FARSB: variants seen among roughly 807,000 people sequenced by gnomAD.
The protein encoded by FARSB is phenylalanine--tRNA ligase beta subunit.
Under a neutral mutation model 69.6 loss-of-function variants are expected in FARSB, and 40 were observed. The observed-to-expected ratio is 0.57, with a 90% CI of 0.45 to 0.75. The LOEUF (loss-of-function observed/expected upper bound fraction) is 0.75. Ranked by LOEUF, FARSB falls within the 30% of genes least tolerant of loss-of-function variation. The pLI, the probability that FARSB is intolerant of heterozygous loss-of-function variation, is 0.00. For synonymous variants in FARSB, 235 were observed against 247.2 expected, an observed-to-expected ratio of 0.95 and a Z score of 0.46; for missense variants, 632 against 722.9, an observed-to-expected ratio of 0.87 and a Z score of 1.44.
intron 16 of FARSB, among the ~76,000 whole-genome samples, chr2:222,586,867 G>C (rs899072946): frequency 6.6e-6 from 1 of 152,132 alleles, no homozygotes; most frequent in African/African-American, 2.4e-5. Context: ...CAAGTCCTTA[G>C]AGACCTACAA....
intron 2 of FARSB, 25 bp from the exon 3 acceptor site, chr2:222,643,030 T>C (rs769367406): frequency 1.4e-6 from 2 of 1,435,098 alleles, no homozygotes; most frequent in Non-Finnish European, 1.9e-6. Context: ...AAAGTAATGA[T>C]AAAAATTAAA....
chr2:222,655,982 G>C, intron 1 of FARSB, 34 bp downstream of exon 1: 1 of 1,540,342 alleles, frequency 6.5e-7, no homozygotes, highest in Non-Finnish European at 8.9e-7. Context: ...TCCGAGAAGA[G>C]GCGTAGGGCC....
chr2:222,626,243 C>CAAAAAAAA (rs36117232), intron 10 of FARSB, among the ~76,000 whole-genome samples: 6 of 56,970 alleles, frequency 1.1e-4, no homozygotes, highest in East Asian at 5.7e-4. Flanking sequence ...GACTCCATCT[C>CAAAAAAAA]AAAAAAAAAA....
chr2:222,648,626 A>G (rs1691937098), intron 2 of FARSB, 114 bp downstream of exon 2: 1 of 760,844 alleles, frequency 1.3e-6, no homozygotes, highest in Admixed American at 2.0e-5. Context: ...CATGGCCCAC[A>G]AACATTATCA....
rs183335063 is a variant in FARSB, at chr2:222,589,656, C to G, written c.1618+10272G>C. Among the ~76,000 whole-genome samples the G allele has an allele frequency of 7.9e-3, 1,209 of 152,112 alleles. 15 individuals carry two copies. The highest frequency in any genetic ancestry group is 0.028 in the African/African-American group (1,163 of 41,414). On this transcript the variant is annotated intron_variant, in intron 16 of 16. Coordinates refer to ENST00000281828, the MANE Select transcript of FARSB (RefSeq NM_005687.5). Reference sequence around the variant, plus strand: ...ATCCAGAATCTACAAAGAACTTAAACAAATTTACAAGAAAAAATCAAACAA... The same window carrying G: ...ATCCAGAATCTACAAAGAACTTAAAGAAATTTACAAGAAAAAATCAAACAA...
intron 5 of FARSB, among the ~76,000 whole-genome samples, chr2:222,635,149 T>C (rs1224603258): frequency 6.6e-6 from 1 of 152,140 alleles, no homozygotes; most frequent in Non-Finnish European, 1.5e-5. Flanking sequence ...TTTTAGGAAA[T>C]TACAGCAAGC....
intron 16 of FARSB, among the ~76,000 whole-genome samples, chr2:222,596,049 C>T (rs1228011379): frequency 1.3e-5 from 2 of 152,096 alleles, no homozygotes; most frequent in East Asian, 1.9e-4. Context: ...TTTTTTCCCA[C>T]TCAACATTGA....
chr2:222,627,730 T>C (rs1278909691), intron 10 of FARSB, among the ~76,000 whole-genome samples: 1 of 152,234 alleles, frequency 6.6e-6, no homozygotes, highest in East Asian at 1.9e-4. Context: ...ATTAACACTC[T>C]AGAATAAAAT....
chr2:222,637,722 A>G (rs1380415006), intron 5 of FARSB, among the ~76,000 whole-genome samples: 1 of 152,236 alleles, frequency 6.6e-6, no homozygotes, highest in African/African-American at 2.4e-5. Flanking sequence ...TGAGTGGTTC[A>G]TAACTGTAAC....
chr2:222,605,464 G>A (rs1420852686), intron 15 of FARSB, among the ~76,000 whole-genome samples: 5 of 152,108 alleles, frequency 3.3e-5, no homozygotes, highest in Admixed American at 3.3e-4. Context: ...CTTTATTTTG[G>A]TAATCTTTGC....
chr2:222,619,114 C>T (rs952833230), intron 14 of FARSB, among the ~76,000 whole-genome samples: 2 of 151,540 alleles, frequency 1.3e-5, no homozygotes, highest in Admixed American at 1.3e-4. Context: ...TGCACTCCAG[C>T]CTGGGCGACA....
At chr2:222,624,182 A>T in intron 12 of FARSB, 90 bp downstream of exon 12, 1 of 858,828 alleles carries the variant, frequency 1.2e-6, no homozygotes, top group Non-Finnish European at 2.0e-6. Flanking sequence ...ATACTGCTTG[A>T]TTCCTACGTT....
At chr2:222,625,187 C>A (rs371567886) in intron 10 of FARSB, among the ~76,000 whole-genome samples, 1 of 152,176 alleles carries the variant, frequency 6.6e-6, no homozygotes, top group African/African-American at 2.4e-5. Flanking sequence ...CAGTGTCCAT[C>A]ATACTAAGTC....
chr2:222,638,894 G>C (rs952228241), intron 5 of FARSB, among the ~76,000 whole-genome samples: 1 of 152,146 alleles, frequency 6.6e-6, no homozygotes, highest in Non-Finnish European at 1.5e-5. Context: ...TAATATGTTA[G>C]GCTAAAGTCT....
chr2:222,640,882 T>C lies in FARSB; in HGVS notation c.319A>G (p.Lys107Glu). 1 of 1,558,184 alleles carries C rather than the reference T, an allele frequency of 6.4e-7. No individual in the cohort carries two copies. The highest frequency in any genetic ancestry group is 8.8e-7 in the Non-Finnish European group (1 of 1,139,334). Residue 107 changes from lysine (K) to glutamate (E), a missense_variant, in exon 4 of 17, where the codon AAA (lysine) becomes GAA (glutamate). Physicochemically the swap from Lys to Glu is moderately conservative, Grantham distance 56. Coordinates refer to ENST00000281828, the MANE Select transcript of FARSB (RefSeq NM_005687.5). Reference sequence around the variant, plus strand: ...ATTACCTCTTCTGTGATAATCAATTTCTGGATTTTTCCATCAGGCATTACC... The same window carrying C: ...ATTACCTCTTCTGTGATAATCAATTCCTGGATTTTTCCATCAGGCATTACC... ...KRVMPDGKIQKLIITEETAKI... is the reference protein window; with the variant it reads ...KRVMPDGKIQELIITEETAKI...
At chr2:222,596,374 C>T (rs890837376) in intron 16 of FARSB, among the ~76,000 whole-genome samples, 1 of 152,156 alleles carries the variant, frequency 6.6e-6, no homozygotes. Context: ...TCATCCCTAC[C>T]ACCAAACAAA....
intron 16 of FARSB, among the ~76,000 whole-genome samples, chr2:222,582,996 A>C (rs1282030084): frequency 6.6e-6 from 1 of 152,108 alleles, no homozygotes; most frequent in African/African-American, 2.4e-5. Context: ...AGAAAAAGAG[A>C]TAAACTAACA....
At chr2:222,616,418 G>A (rs1023508348) in intron 14 of FARSB, among the ~76,000 whole-genome samples, 5 of 152,148 alleles carry the variant, frequency 3.3e-5, no homozygotes, top group South Asian at 4.1e-4. Flanking sequence ...GCGGCAGCGC[G>A]TGCCTGTAGT....
chr2:222,627,204 A>G (rs1270767722), intron 10 of FARSB, among the ~76,000 whole-genome samples: 7 of 152,172 alleles, frequency 4.6e-5, no homozygotes, highest in Non-Finnish European at 2.9e-5. Context: ...GACACTGCCA[A>G]TCTTCCAATC....
Sources: gnomAD v4.1 joint callset for allele counts (sites outside exome capture counted in the v4.1 genomes callset) on GRCh38, gnomAD v4.1.1 for gene constraint, MANE v1.5 for transcripts, NCBI Gene and HGNC (gene_info 2026-07-23, HGNC 2026-07-21) for gene names.